The following IL27 variants were observed in gnomAD, a reference collection of about 807,000 sequenced individuals.
IL27 encodes the protein interleukin-27 subunit alpha.
IL27 carries 11 observed loss-of-function variants against 27.0 expected under a neutral mutation model. That is an observed-to-expected ratio of 0.41 (90% CI 0.26 to 0.67). The LOEUF (loss-of-function observed/expected upper bound fraction) is 0.67. IL27 is among the 30% of genes least tolerant of loss of function. The probability of loss-of-function intolerance (pLI) is 0.34; values close to 1 mark genes in which losing one functional copy is unlikely to be tolerated. For missense variants in IL27, 299 were observed against 310.4 expected (o/e 0.96, Z 0.28); for synonymous variants, 134 against 140.6 (o/e 0.95, Z 0.33).
Position 28,499,878 on chromosome 16 carries a change from C to T in IL27, c.505G>A (p.Glu169Lys), listed in dbSNP as rs1484280849. 2.0e-6 allele frequency: 3 copies of T among 1,523,364 alleles called. No homozygotes were observed. Among genetic ancestry groups the T allele is most frequent in the Non-Finnish European group, 2.7e-6 (3 of 1,126,682 alleles). 94.4% of individuals were successfully genotyped at this position (1,523,364 alleles called of 1,614,324 possible). ...CTCTCCTCCTCCTCCTCCTCCTCTT[C>T]CTCCTCCTCCTCCTCCGGGAGGTTG... The part of the protein sequence containing the change: ...GFNLPEEEEE[E>K]EEEEEEERKG... Residue 169 changes from glutamate to lysine, a missense_variant, in exon 5 of 5, where the codon GAA becomes AAA. Glu to Lys is a moderately conservative substitution (Grantham distance 56). Coordinates refer to ENST00000356897, the MANE Select transcript of IL27 (RefSeq NM_145659.3).
chr16:28,505,906 AG>A (rs2151627051), intron 1 of IL27, among the ~76,000 whole-genome samples: 1 of 152,246 alleles, frequency 6.6e-6, no homozygotes, highest in East Asian at 1.9e-4. Context: ...GGGAGCTTCT[AG>A]GGACATCTAC....
chr16:28,505,208 A>G (rs112824320), intron 1 of IL27, among the ~76,000 whole-genome samples: 1,552 of 152,336 alleles, frequency 0.01, 30 homozygotes, highest in African/African-American at 0.033. Context: ...ACTGGCCATG[A>G]GGTCCCCAGG....
intron 1 of IL27, among the ~76,000 whole-genome samples, chr16:28,504,756 AT>A (rs1024799764): frequency 2.6e-4 from 40 of 151,706 alleles, no homozygotes; most frequent in African/African-American, 9.4e-4. Context: ...AACTGTTTCT[AT>A]TTTTTTGTAG....
At position 28,499,892 on chromosome 16, in the gene IL27, T is replaced by G; in HGVS notation, c.491A>C (p.Glu164Ala). The change falls in exon 5 of 5, where the codon GAG becomes GCG. Residue 164 changes from glutamate (E) to alanine (A), a missense_variant. Physicochemically the swap from Glu to Ala is moderately radical, Grantham distance 107. Transcript: ENST00000356897. Reference sequence around the variant, plus strand: ...CTCCTCCTCTTCCTCCTCCTCCTCCTCCGGGAGGTTGAATCCTGCAGCCAG... The same window carrying G: ...CTCCTCCTCTTCCTCCTCCTCCTCCGCCGGGAGGTTGAATCCTGCAGCCAG... ...QVLAAGFNLP[E>A]EEEEEEEEEE... 4.5e-6 allele frequency: 7 copies of G among 1,550,260 alleles called. No individual in the cohort carries two copies. Among genetic ancestry groups the G allele is most frequent in the Non-Finnish European group, 4.4e-6 (5 of 1,146,048 alleles).
Position 28,499,649 on chromosome 16 carries a change from G to A in IL27, c.*2C>T, listed in dbSNP as rs1259627630. On this transcript the variant is annotated 3_prime_UTR_variant, in exon 5 of 5. Coordinates refer to ENST00000356897, the MANE Select transcript of IL27 (RefSeq NM_145659.3). ...GGGGGCAGGGGGCTAAGAAGCCACC[G>A]ATCAGGGCTGGGGGCTCAATGTTGG... 2 of 1,606,568 alleles carry A rather than the reference G, an allele frequency of 1.2e-6. No individual in the cohort carries two copies. Among genetic ancestry groups the A allele is most frequent in the Non-Finnish European group, 1.7e-6 (2 of 1,176,220 alleles).
chr16:28,506,707 C>T (rs201262205), intron 1 of IL27, 74 bp downstream of exon 1: 15 of 1,446,982 alleles, frequency 1.0e-5, no homozygotes, highest in Non-Finnish European at 1.4e-5. Context: ...CTCGACCCCC[C>T]ATCTGCACCA....
At chr16:28,505,817 TCCCTGCC>T (rs2046457899) in intron 1 of IL27, among the ~76,000 whole-genome samples, 1 of 152,150 alleles carries the variant, frequency 6.6e-6, no homozygotes, top group South Asian at 2.1e-4. Flanking sequence ...CTCCCTTCTC[TCCCTGCC>T]TCTTCCCTGT....
chr16:28,501,896 C>T, intron 4 of IL27, 80 bp downstream of exon 4: 1 of 1,491,374 alleles, frequency 6.7e-7, no homozygotes, highest in Non-Finnish European at 9.1e-7. Flanking sequence ...CACACACACT[C>T]AGAGCATGGG....
At position 28,499,892 on chromosome 16, in the gene IL27, T is replaced by A; in HGVS notation, c.491A>T (p.Glu164Val). 1 of 1,550,260 alleles carries A rather than the reference T, an allele frequency of 6.5e-7. No individual in the cohort carries two copies. Among genetic ancestry groups the A allele is most frequent in the Non-Finnish European group, 8.7e-7 (1 of 1,146,048 alleles). Residue 164 changes from glutamate (E) to valine (V), a missense_variant, in exon 5 of 5, where the codon GAG (glutamate) becomes GTG (valine). Coordinates refer to ENST00000356897, the MANE Select transcript of IL27 (RefSeq NM_145659.3). ...QVLAAGFNLP[E>V]EEEEEEEEEE... ...CTCCTCCTCTTCCTCCTCCTCCTCC[T>A]CCGGGAGGTTGAATCCTGCAGCCAG...
chr16:28,503,239 T>C (rs2046443574), intron 3 of IL27, among the ~76,000 whole-genome samples: 1 of 152,162 alleles, frequency 6.6e-6, no homozygotes, highest in Non-Finnish European at 1.5e-5. Flanking sequence ...ATTACAGGCA[T>C]GAGCCACCAC....
intron 3 of IL27, among the ~76,000 whole-genome samples, chr16:28,502,584 T>G (rs1484636202): frequency 6.6e-6 from 1 of 151,720 alleles, no homozygotes. Context: ...CTAACCCTAT[T>G]CCATTCCCTT....
chr16:28,506,157 C>G (rs912888126), intron 1 of IL27, among the ~76,000 whole-genome samples: 4 of 152,144 alleles, frequency 2.6e-5, no homozygotes, highest in Admixed American at 1.3e-4. Context: ...CAGACCCCCT[C>G]CTTACCCTCT....
At position 28,504,059 on chromosome 16, in the gene IL27, A is replaced by T. The variant is rs200524739; in HGVS notation, c.32-9T>A. ...CAGCAACAGGCTGAGCCCTGGAGAG[A>T]TGGGAAGAGGGTGGCAAGACAGGGA... On this transcript the variant is annotated splice_polypyrimidine_tract_variant and intron_variant, in intron 1 of 4. Transcript: ENST00000356897. 2 of 1,582,810 alleles carry T rather than the reference A, an allele frequency of 1.3e-6. No individual in the cohort carries two copies. Among genetic ancestry groups the T allele is most frequent in the East Asian group, 2.2e-5 (1 of 44,482 alleles).
In IL27 at chr16:28,499,523, G is replaced by C. The variant is rs868642655; in HGVS notation, c.*128C>G. 1.8e-5 allele frequency: 12 copies of C among 655,850 alleles called. No homozygotes were observed. In the Middle Eastern group the frequency reaches 2.1e-3, roughly 114 times the overall value. 40.6% of individuals were successfully genotyped at this position (655,850 alleles called of 1,614,324 possible). ...CAGAGGGGCTTTCAGTTACTGGGTA[G>C]AGCCTGGGGCAGGGGGCTGGAAGAG... On this transcript the variant is annotated 3_prime_UTR_variant, in exon 5 of 5. Transcript: ENST00000356897.
chr16:28,503,647 C>A (rs753513214), intron 3 of IL27, 48 bp downstream of exon 3: 17 of 1,422,940 alleles, frequency 1.2e-5, no homozygotes, highest in Non-Finnish European at 1.7e-5. Flanking sequence ...GCACCCTGGC[C>A]CCAGCCTATC....
intron 4 of IL27, among the ~76,000 whole-genome samples, chr16:28,501,496 ACT>A (rs993785480): frequency 3.4e-5 from 5 of 147,374 alleles, no homozygotes; most frequent in African/African-American, 1.0e-4. Context: ...AGACCCACAC[ACT>A]CACAGTCACA....
At chr16:28,503,821 C>A (rs754898677) in intron 2 of IL27, 28 bp from the exon 3 acceptor site, 6 of 1,611,212 alleles carry the variant, frequency 3.7e-6, no homozygotes, top group Non-Finnish European at 5.1e-6. Flanking sequence ...TTAGTGGGGG[C>A]CAGAAGGGAT....
At chr16:28,505,331 C>T (rs2046455174) in intron 1 of IL27, among the ~76,000 whole-genome samples, 1 of 140,646 alleles carries the variant, frequency 7.1e-6, no homozygotes, top group African/African-American at 2.6e-5. Context: ...GGCGAATCCA[C>T]AGTATGGGAG....
chr16:28,502,344 C>T (rs2046437464), intron 3 of IL27, among the ~76,000 whole-genome samples: 1 of 151,884 alleles, frequency 6.6e-6, no homozygotes, highest in Non-Finnish European at 1.5e-5. Context: ...TCCAGCCTCC[C>T]TTTCACTCCT....
Sources: gnomAD v4.1 joint callset for allele counts (sites outside exome capture counted in the v4.1 genomes callset) on GRCh38, gnomAD v4.1.1 for gene constraint, MANE v1.5 for transcripts, NCBI Gene and HGNC (gene_info 2026-07-23, HGNC 2026-07-21) for gene names.